DRAM1: variants seen among roughly 807,000 people sequenced by gnomAD.
DRAM1 encodes DNA damage regulated autophagy modulator 1.
In DRAM1, 25 loss-of-function variants were observed where a neutral mutation model predicts 28.5. That is an observed-to-expected ratio of 0.88 (90% CI 0.64 to 1.23). The LOEUF (loss-of-function observed/expected upper bound fraction) is 1.23. Among genes scored for constraint, DRAM1 ranks in the 50% most tolerant of loss-of-function variants. The pLI is 0.00. For missense variants in DRAM1, 249 were observed against 299.2 expected, an observed-to-expected ratio of 0.83 and a Z score of 1.24; for synonymous variants, 113 against 114.2, an observed-to-expected ratio of 0.99 and a Z score of 0.07.
At chr12:101,903,463 A>T (rs558772636) in intron 3 of DRAM1, among the ~76,000 whole-genome samples, 1 of 152,322 alleles carries the variant, frequency 6.6e-6, no homozygotes, top group South Asian at 2.1e-4. Flanking sequence ...TGTCACTTAT[A>T]TGTGGAATCT....
At chr12:101,904,390 T>TTC (rs1348726519) in intron 3 of DRAM1, among the ~76,000 whole-genome samples, 10 of 147,308 alleles carry the variant, frequency 6.8e-5, no homozygotes, top group Non-Finnish European at 1.5e-5. Context: ...CACATATTCT[T>TTC]TTTTTTTTTT....
At chr12:101,902,319 G>T (rs557620800) in intron 3 of DRAM1, among the ~76,000 whole-genome samples, 10 of 152,136 alleles carry the variant, frequency 6.6e-5, no homozygotes, top group Non-Finnish European at 8.8e-5. Flanking sequence ...GCCTAGAGAG[G>T]TTAATACTTG....
intron 1 of DRAM1, among the ~76,000 whole-genome samples, chr12:101,881,457 GTACTTGAGAT>G (rs938905576): frequency 2.0e-5 from 3 of 152,090 alleles, no homozygotes; most frequent in African/African-American, 7.2e-5. Flanking sequence ...AGCCTACTGA[GTACTTGAGAT>G]TAAAAGTGTG....
chr12:101,899,638 C>T (rs547342828), intron 2 of DRAM1, among the ~76,000 whole-genome samples: 9 of 150,254 alleles, frequency 6.0e-5, no homozygotes, highest in Admixed American at 3.3e-4. Context: ...ATGACTGTGC[C>T]GCTGCACTCC....
intron 3 of DRAM1, 123 bp downstream of exon 3, chr12:101,901,556 T>C: frequency 8.2e-7 from 1 of 1,213,352 alleles, no homozygotes; most frequent in Non-Finnish European, 1.1e-6. Context: ...GAGTTTACAA[T>C]AAGTGGGTTA....
chr12:101,893,925 A>ATTT lies in DRAM1; in HGVS notation c.132-3938_132-3937insTTT, dbSNP rs1566123349. Among the ~76,000 whole-genome samples the ATTT allele has an allele frequency of 7.3e-4, 110 of 150,344 alleles. 1 individual carries two copies. Among genetic ancestry groups the ATTT allele is most frequent in the African/African-American group, 1.9e-3 (79 of 40,894 alleles). ...CCCTTCACCTGTATGTTTTTTTTTA[A>ATTT]AATTAATTAATTAATTTATTTTTGA... On this transcript the variant is annotated intron_variant, in intron 1 of 6. Coordinates refer to ENST00000258534, the MANE Select transcript of DRAM1 (RefSeq NM_018370.3).
rs375744199 is a variant in DRAM1, at chr12:101,914,190, A to C, written c.537A>C (p.Ser179=). 3.9e-5 allele frequency: 62 copies of C among 1,609,076 alleles called. No homozygotes were observed. The highest frequency in any genetic ancestry group is 9.3e-6 in the Non-Finnish European group (11 of 1,178,498). ...AAVIPMIVCA[S]LISITKLEWN... The stretch of plus-strand genomic sequence containing the variant: ...TTCTTTCAGTGATTGTCTGTGCTTC[A>C]CTAATTTCCATAACCAAGCTGGAGT... The change falls in exon 5 of 7, where the codon TCA becomes TCC. Residue 179 remains serine, a synonymous_variant. Transcript: ENST00000258534.
At chr12:101,898,635 G>A (rs971506410) in intron 2 of DRAM1, among the ~76,000 whole-genome samples, 7 of 152,168 alleles carry the variant, frequency 4.6e-5, no homozygotes, top group Non-Finnish European at 7.3e-5. Context: ...TGGAGTTCTC[G>A]TAAAATGCAG....
intron 3 of DRAM1, among the ~76,000 whole-genome samples, chr12:101,907,361 C>CATGGAACGA (rs1323879936): frequency 2.6e-5 from 4 of 151,748 alleles, no homozygotes. Flanking sequence ...TTGGCACCAT[C>CATGGAACGA]ATGGAACGAG....
chr12:101,911,318 C>T (rs997926426), intron 4 of DRAM1, among the ~76,000 whole-genome samples: 1 of 152,156 alleles, frequency 6.6e-6, no homozygotes, highest in Non-Finnish European at 1.5e-5. Context: ...ATTTGACTAC[C>T]GAAGAAACCG....
At chr12:101,905,757 T>TTTTATTTATTTATTTATTTA (rs141269206) in intron 3 of DRAM1, among the ~76,000 whole-genome samples, 5 of 147,420 alleles carry the variant, frequency 3.4e-5, no homozygotes, top group Non-Finnish European at 7.4e-5. Flanking sequence ...GCCCATCTGA[T>TTTTATTTATTTATTTATTTA]TTTATTTATT....
chr12:101,902,405 A>C (rs1873639460), intron 3 of DRAM1, among the ~76,000 whole-genome samples: 1 of 152,218 alleles, frequency 6.6e-6, no homozygotes, highest in East Asian at 1.9e-4. Context: ...TGTGAGAGCT[A>C]TCCTCAATGC....
intron 2 of DRAM1, among the ~76,000 whole-genome samples, chr12:101,899,721 T>C (rs1477236784): frequency 5.3e-5 from 8 of 152,058 alleles, no homozygotes; most frequent in African/African-American, 1.9e-4. Flanking sequence ...AAGTTATTAG[T>C]TTTTAGCCTG....
chr12:101,889,461 TGAGAC>T (rs1182258931), intron 1 of DRAM1, among the ~76,000 whole-genome samples: 4 of 138,036 alleles, frequency 2.9e-5, no homozygotes, highest in Non-Finnish European at 6.2e-5. Context: ...AGAGACGAGA[TGAGAC>T]GAGATGAGAA....
intron 1 of DRAM1, among the ~76,000 whole-genome samples, chr12:101,878,530 T>A (rs376902992): frequency 7.9e-5 from 12 of 152,228 alleles, no homozygotes; most frequent in African/African-American, 2.7e-4. Flanking sequence ...CAGACACCTC[T>A]GGGCACTGTG....
intron 1 of DRAM1, chr12:101,890,364 A>C (rs1594294521): frequency 5.0e-6 from 1 of 200,274 alleles, no homozygotes; most frequent in Non-Finnish European, 9.5e-6. Flanking sequence ...ACAGGTGAGA[A>C]CCACCGAGCC....
chr12:101,910,662 G>T (rs1012254562), intron 4 of DRAM1, among the ~76,000 whole-genome samples: 3 of 151,746 alleles, frequency 2.0e-5, no homozygotes, highest in Admixed American at 6.6e-5. Flanking sequence ...ATTTTTAGTA[G>T]AGACGGGGGT....
At chr12:101,909,248 T>C (rs6539018) in intron 4 of DRAM1, among the ~76,000 whole-genome samples, 99,100 of 149,662 alleles carry the variant, frequency 0.66, 34,596 homozygotes, top group East Asian at 0.92. Context: ...GCAACAAGAG[T>C]GAAACTCCGT....
chr12:101,911,474 A>T (rs1472631994), intron 4 of DRAM1, among the ~76,000 whole-genome samples: 1 of 152,170 alleles, frequency 6.6e-6, no homozygotes, highest in African/African-American at 2.4e-5. Flanking sequence ...CATCAGACCC[A>T]TGATCTGAGA....
Sources: gnomAD v4.1 joint callset for allele counts (sites outside exome capture counted in the v4.1 genomes callset) on GRCh38, gnomAD v4.1.1 for gene constraint, MANE v1.5 for transcripts, NCBI Gene and HGNC (gene_info 2026-07-23, HGNC 2026-07-21) for gene names.